The following HAS3 variants were observed in gnomAD, a reference collection of about 807,000 sequenced individuals.
HAS3 encodes hyaluronan synthase 3.
In HAS3, 27 loss-of-function variants were observed where a neutral mutation model predicts 50.3. That is an observed-to-expected ratio of 0.54 (90% CI 0.40 to 0.74). The LOEUF is 0.74. Ranked by LOEUF, HAS3 falls within the 30% of genes least tolerant of loss-of-function variation. HAS3 has a pLI of 0.00. For synonymous variants in HAS3, 339 were observed against 310.9 expected, an observed-to-expected ratio of 1.09 and a Z score of -0.95; for missense variants, 517 against 742.8, an observed-to-expected ratio of 0.70 and a Z score of 3.53.
intron 2 of HAS3, among the ~76,000 whole-genome samples, chr16:69,110,840 C>T (rs1406970264): frequency 6.6e-6 from 1 of 152,170 alleles, no homozygotes; most frequent in Non-Finnish European, 1.5e-5. Context: ...GCAAAAGAAA[C>T]CATCCTCAAA....
upstream of HAS3, among the ~76,000 whole-genome samples, chr16:69,104,400 G>A (rs1245712963): frequency 3.3e-5 from 5 of 150,488 alleles, no homozygotes; most frequent in Non-Finnish European, 7.4e-5. Context: ...GGGTTTAAGC[G>A]ATTCTTCTGC....
At position 69,109,921 on chromosome 16, in the gene HAS3, G is replaced by T. The variant is rs756415962; in HGVS notation, c.526G>T (p.Asp176Tyr). 8 of 1,613,998 alleles carry T rather than the reference G, an allele frequency of 5.0e-6. No homozygotes were observed. In the African/African-American group the frequency reaches 9.3e-5, roughly 19 times the overall value. The part of the protein sequence containing the change: ...SLQEGMDRVR[D>Y]VVRASTFSCI... The stretch of plus-strand genomic sequence containing the variant: ...GCAGGAGGGCATGGACCGTGTGCGG[G>T]ATGTGGTGCGGGCCAGCACCTTCTC... The change falls in exon 2 of 4, where the codon GAT becomes TAT. Residue 176 changes from aspartate (D) to tyrosine (Y), a missense_variant. Coordinates refer to ENST00000569188, the MANE Select transcript of HAS3 (RefSeq NM_001199280.2). The surrounding 1 kb of genome is among the most constrained non-coding windows in gnomAD (Gnocchi z 5.3).
Position 69,114,855 on chromosome 16 carries a change from G to A in HAS3, c.1251G>A (p.Gln417=). 6.2e-7 allele frequency: 1 copy of A among 1,614,124 alleles called. No individual in the cohort carries two copies. Among genetic ancestry groups the A allele is most frequent in the Non-Finnish European group, 8.5e-7 (1 of 1,180,036 alleles). ...TTCTCCTCTTCCTGCTGACGGTGCA[G>A]CTGGTGGGCATTATCAAGGCCACCT... ...WNILLFLLTV[Q]LVGIIKATYA... is the part of the protein sequence containing the mutation. Residue 417 remains glutamine (Q), a synonymous_variant, in exon 4 of 4, where the codon CAG becomes CAA. Transcript: ENST00000569188. The surrounding 1 kb of genome is among the most constrained non-coding windows in gnomAD (Gnocchi z 6.4).
At chr16:69,104,992 G>GTTTTTTTTTTTTTTTT (rs565397720), upstream of HAS3, among the ~76,000 whole-genome samples, 6 of 81,980 alleles carry the variant, frequency 7.3e-5, no homozygotes, top group East Asian at 4.1e-4. Context: ...CTGTTTTTTG[G>GTTTTTTTTTTTTTTTT]TTTTTTTTTT....
the HAS3 span, among the ~76,000 whole-genome samples, chr16:69,091,564 C>G: frequency 3.3e-5 from 5 of 152,170 alleles, no homozygotes; most frequent in African/African-American, 1.2e-4. Flanking sequence ...AATGCAAGTT[C>G]AGTCTCAAAG....
At chr16:69,086,219 A>G in the HAS3 span, among the ~76,000 whole-genome samples, 1 of 148,152 alleles carries the variant, frequency 6.7e-6, no homozygotes, top group African/African-American at 2.5e-5. Flanking sequence ...CCCAGGCTGG[A>G]GTGAAGTGGC....
the HAS3 span, among the ~76,000 whole-genome samples, chr16:69,095,548 C>A: frequency 1.3e-5 from 2 of 151,896 alleles, no homozygotes; most frequent in Non-Finnish European, 2.9e-5. Context: ...TGGGGTCCAC[C>A]CCCAGTGATT....
At chr16:69,096,800 G>A in the HAS3 span, among the ~76,000 whole-genome samples, 1 of 151,666 alleles carries the variant, frequency 6.6e-6, no homozygotes, top group African/African-American at 2.4e-5. Flanking sequence ...TGTATTTTTA[G>A]TAGAGATGGG....
Position 69,117,091 on chromosome 16 carries a change from T to A in HAS3, c.*1825T>A. The A allele has an allele frequency of 9.1e-6, 9 of 985,758 alleles. No homozygotes were observed. Among genetic ancestry groups the A allele is most frequent in the Non-Finnish European group, 1.1e-5 (9 of 829,936 alleles). 61.1% of individuals were successfully genotyped at this position (985,758 alleles called of 1,614,324 possible). A position where few individuals can be genotyped will look rare whatever the true frequency, so the allele number is the denominator to read the frequency against. On this transcript the variant is annotated 3_prime_UTR_variant, in exon 4 of 4. Coordinates refer to ENST00000569188, the MANE Select transcript of HAS3 (RefSeq NM_001199280.2). Reference sequence around the variant, plus strand: ...GCTGGTTGACATCAGACCCAACCCATGAAGGCTGGAAGGCAGCAGGCATTT... The same window carrying A: ...GCTGGTTGACATCAGACCCAACCCAAGAAGGCTGGAAGGCAGCAGGCATTT...
rs772128305 is a variant in HAS3 at position 69,114,558 on chromosome 16, G to A, written c.954G>A (p.Arg318=). ...LGSKCSFGDD[R]HLTNRVLSLG... ...GCAAGTGCAGCTTCGGGGATGACCG[G>A]CACCTCACCAACCGAGTCCTGAGCC... Residue 318 remains arginine, a synonymous_variant, in exon 4 of 4, where the codon CGG becomes CGA. Transcript: ENST00000569188. This position sits in a 1 kb window ranked among gnomAD's most constrained non-coding sequence, Gnocchi z 6.4. 10 of 1,614,052 alleles carry A rather than the reference G, an allele frequency of 6.2e-6. No homozygotes were observed. Among genetic ancestry groups the A allele is most frequent in the South Asian group, 1.1e-5 (1 of 91,074 alleles).
At chr16:69,099,996 C>T in the HAS3 span, among the ~76,000 whole-genome samples, 2 of 152,204 alleles carry the variant, frequency 1.3e-5, no homozygotes, top group Admixed American at 1.3e-4. Flanking sequence ...GAACCTGGCC[C>T]CTTAGCAGGG....
At chr16:69,113,789 T>C (rs868773971) in intron 3 of HAS3, among the ~76,000 whole-genome samples, 3 of 152,264 alleles carry the variant, frequency 2.0e-5, no homozygotes, top group Middle Eastern at 3.4e-3. Context: ...AGGGGCACAG[T>C]ATTTTGAGGC....
chr16:69,107,204 ACCAG>A lies in HAS3; in HGVS notation c.-1+1419_-1+1422del, dbSNP rs1960829817. 2 of 406,468 alleles carry A rather than the reference ACCAG, an allele frequency of 4.9e-6. No homozygotes were observed. Among genetic ancestry groups the A allele is most frequent in the Non-Finnish European group, 6.6e-6 (2 of 303,058 alleles). The allele number at this position is 406,468 out of a possible 1,614,324, so 25.2% of individuals were successfully genotyped here. On this transcript the variant is annotated intron_variant, in intron 1 of 3. Coordinates refer to ENST00000569188, the MANE Select transcript of HAS3 (RefSeq NM_001199280.2). This position sits in a 1 kb window ranked among gnomAD's most constrained non-coding sequence, Gnocchi z 5.5. Reference sequence around the variant, plus strand: ...CAGGAGAACCTCGACCACAGCCTGCACCAGCGCCTGATTGCACGTGGGGTATCTG... The same window carrying A: ...CAGGAGAACCTCGACCACAGCCTGCACGCCTGATTGCACGTGGGGTATCTG...
intron 2 of HAS3, among the ~76,000 whole-genome samples, chr16:69,112,238 AG>A (rs1961027221): frequency 6.6e-6 from 1 of 152,248 alleles, no homozygotes; most frequent in Non-Finnish European, 1.5e-5. Context: ...GAACAGCAGC[AG>A]TGCTGGGAGT....
Position 69,109,726 on chromosome 16 carries a change from A to G in HAS3, c.331A>G (p.Ile111Val), listed in dbSNP as rs1191075119. Residue 111 changes from isoleucine to valine, a missense_variant, in exon 2 of 4, where the codon ATC becomes GTC. Ile to Val is a conservative substitution (Grantham distance 29). Transcript: ENST00000569188. This position sits in a 1 kb window ranked among gnomAD's most constrained non-coding sequence, Gnocchi z 5.3. Reference protein sequence around the residue: ...LRKCLRSAQRISFPDLKVVMV... With the variant: ...LRKCLRSAQRVSFPDLKVVMV... The stretch of plus-strand genomic sequence containing the variant: ...CAAGTGCCTGCGCTCGGCCCAGCGC[A>G]TCTCCTTCCCTGACCTCAAGGTGGT... 30 of 1,611,010 alleles carry G rather than the reference A, an allele frequency of 1.9e-5. No individual in the cohort carries two copies. Among genetic ancestry groups the G allele is most frequent in the Non-Finnish European group, 2.5e-5 (29 of 1,179,958 alleles).
chr16:69,111,053 T>G (rs1320017066), intron 2 of HAS3, among the ~76,000 whole-genome samples: 1 of 151,496 alleles, frequency 6.6e-6, no homozygotes, highest in Admixed American at 6.6e-5. Flanking sequence ...TAGGTTGATA[T>G]GGTTTCCATC....
In HAS3 at chr16:69,115,589, CCATT is replaced by C; in HGVS notation, c.*326_*329del. The C allele has an allele frequency of 9.4e-7, 1 of 1,060,844 alleles. No homozygotes were observed. The highest frequency in any genetic ancestry group is 1.1e-6 in the Non-Finnish European group (1 of 878,932). The allele number at this position is 1,060,844 out of a possible 1,614,324, so 65.7% of individuals were successfully genotyped here. A position where few individuals can be genotyped will look rare whatever the true frequency, so the allele number is the denominator to read the frequency against. ...AAGTTGTGCTAAACCAAGTTAAGTC[CCATT>C]CAGTGGCAACTTGTGATAGGTACCT... On this transcript the variant is annotated 3_prime_UTR_variant, in exon 4 of 4. Coordinates refer to ENST00000569188, the MANE Select transcript of HAS3 (RefSeq NM_001199280.2).
chr16:69,090,411 C>A, the HAS3 span, among the ~76,000 whole-genome samples: 5 of 152,066 alleles, frequency 3.3e-5, no homozygotes, highest in African/African-American at 9.7e-5. Flanking sequence ...AATATGTGCA[C>A]TTGGCACTTT....
the HAS3 span, among the ~76,000 whole-genome samples, chr16:69,086,522 A>ATGTATG: frequency 2.2e-5 from 3 of 138,310 alleles, no homozygotes; most frequent in Admixed American, 7.3e-5. Context: ...TTTCTATATT[A>ATGTATG]TGTGTGTGTG....
Sources: allele counts gnomAD v4.1 joint callset (sites outside exome capture counted in the v4.1 genomes callset), GRCh38; gene constraint gnomAD v4.1.1; non-coding constraint Gnocchi (gnomAD v3.1); transcripts MANE v1.5; gene names NCBI Gene and HGNC (gene_info 2026-07-23, HGNC 2026-07-21).